The following MINDY3 variants were observed in gnomAD, a reference collection of about 807,000 sequenced individuals.
The protein encoded by MINDY3 is ubiquitin carboxyl-terminal hydrolase MINDY-3.
In MINDY3, 38 loss-of-function variants were observed where a neutral mutation model predicts 69.2. The observed-to-expected ratio is 0.55, with a 90% confidence interval of 0.42 to 0.72. MINDY3 has a LOEUF of 0.72. MINDY3 is among the 30% of genes least tolerant of loss of function. The pLI, the probability that MINDY3 is intolerant of heterozygous loss-of-function variation, is 0.00. For synonymous variants in MINDY3, 192 were observed against 180.1 expected (o/e 1.07, Z -0.53); for missense variants, 522 against 519.0 (o/e 1.01, Z -0.06).
chr10:15,787,261 C>G (rs995378883), intron 12 of MINDY3, among the ~76,000 whole-genome samples: 1 of 152,050 alleles, frequency 6.6e-6, no homozygotes, highest in Non-Finnish European at 1.5e-5. Flanking sequence ...TGCATACCAG[C>G]CCTTACAATG....
intron 10 of MINDY3, among the ~76,000 whole-genome samples, chr10:15,799,221 A>G (rs1838073131): frequency 1.3e-5 from 2 of 151,792 alleles, no homozygotes; most frequent in African/African-American, 4.8e-5. Flanking sequence ...TTTTTTTTAG[A>G]TGGAATCTTG....
chr10:15,859,947 C>T (rs963484505), intron 1 of MINDY3, among the ~76,000 whole-genome samples: 2 of 152,242 alleles, frequency 1.3e-5, no homozygotes, highest in African/African-American at 4.8e-5. Flanking sequence ...CCACCCTCTC[C>T]TCCTCCCCAG....
intron 4 of MINDY3, among the ~76,000 whole-genome samples, chr10:15,839,776 A>T (rs539254691): frequency 6.6e-6 from 1 of 151,808 alleles, no homozygotes; most frequent in South Asian, 2.1e-4. Context: ...CAGTTAACAA[A>T]GTATTTCAAA....
intron 10 of MINDY3, among the ~76,000 whole-genome samples, chr10:15,813,237 T>G (rs765908963): frequency 6.6e-6 from 1 of 152,142 alleles, no homozygotes; most frequent in South Asian, 2.1e-4. Flanking sequence ...TCTTACACCT[T>G]GTCCCCCTAA....
rs1169229232 is a variant in MINDY3, at chr10:15,841,533, T to A, written c.302A>T (p.His101Leu). The change falls in exon 4 of 15, where the codon CAC becomes CTC. Residue 101 changes from histidine (H) to leucine (L), a missense_variant. His to Leu is a moderately conservative substitution (Grantham distance 99). Coordinates refer to ENST00000277632, the MANE Select transcript of MINDY3 (RefSeq NM_024948.4). ...TGAAACCAAGCAGTATGATCCAGAG[T>A]GGTCACAACAAGCACTTTCTAAAAT... ...CDILESACCD[H>L]SGSYCLVSWL... 6.2e-7 allele frequency: 1 copy of A among 1,611,498 alleles called. No individual in the cohort carries two copies. The highest frequency in any genetic ancestry group is 8.5e-7 in the Non-Finnish European group (1 of 1,178,368).
At chr10:15,782,031 C>T in intron 14 of MINDY3, 124 bp downstream of exon 14, 2 of 739,442 alleles carry the variant, frequency 2.7e-6, no homozygotes, top group South Asian at 1.6e-5. Context: ...AATGTGTCCT[C>T]ATAGTAAAGA....
At chr10:15,794,130 CCTT>C (rs1171813627) in intron 11 of MINDY3, among the ~76,000 whole-genome samples, 2 of 152,164 alleles carry the variant, frequency 1.3e-5, no homozygotes, top group East Asian at 3.9e-4. Context: ...CCTTCAGTGT[CCTT>C]CTAGGTCAGT....
chr10:15,780,881 G>A (rs1554797590), intron 14 of MINDY3, among the ~76,000 whole-genome samples: 1 of 152,100 alleles, frequency 6.6e-6, no homozygotes, highest in Non-Finnish European at 1.5e-5. Context: ...TGGGAATCAG[G>A]AACTCAGTTC....
At chr10:15,782,296 G>C in intron 13 of MINDY3, 70 bp from the exon 14 acceptor site, 1 of 1,037,264 alleles carries the variant, frequency 9.6e-7, no homozygotes, top group Non-Finnish European at 1.4e-6. Context: ...TCAACTGAAA[G>C]TAAAATGCAT....
At position 15,860,488 on chromosome 10, in the gene MINDY3, G is replaced by C. The variant is rs1041525795; in HGVS notation, c.-189C>G. 8.3e-6 allele frequency: 5 copies of C among 604,578 alleles called. No individual in the cohort carries two copies. The highest frequency in any genetic ancestry group is 1.9e-5 in the African/African-American group (1 of 52,886). The allele number at this position is 604,578 out of a possible 1,614,324, so 37.5% of individuals were successfully genotyped here. A position where few individuals can be genotyped will look rare whatever the true frequency, so the allele number is the denominator to read the frequency against. Reference sequence around the variant, plus strand: ...TGTCAAGCCAGGTTGGGGCAGCAGCGAGTTTTCCGTACCGGAAGTGCTGGT... The same window carrying C: ...TGTCAAGCCAGGTTGGGGCAGCAGCCAGTTTTCCGTACCGGAAGTGCTGGT... On this transcript the variant is annotated 5_prime_UTR_variant, in exon 1 of 15. Transcript: ENST00000277632.
chr10:15,839,681 G>C (rs1833327741), intron 4 of MINDY3, among the ~76,000 whole-genome samples: 1 of 151,436 alleles, frequency 6.6e-6, no homozygotes, highest in Admixed American at 6.6e-5. Flanking sequence ...ATAAAGGAAA[G>C]AACAGGTAAA....
At chr10:15,831,599 C>A (rs766121014) in intron 8 of MINDY3, among the ~76,000 whole-genome samples, 1 of 151,718 alleles carries the variant, frequency 6.6e-6, no homozygotes, top group East Asian at 1.9e-4. Flanking sequence ...AGAACCGAAA[C>A]TGATAATTGA....
At chr10:15,820,200 G>C (rs558057109) in intron 9 of MINDY3, among the ~76,000 whole-genome samples, 2 of 152,326 alleles carry the variant, frequency 1.3e-5, no homozygotes, top group South Asian at 4.1e-4. Context: ...AGTCCAGCCT[G>C]AAGGGGACAG....
intron 13 of MINDY3, among the ~76,000 whole-genome samples, chr10:15,785,764 A>AT (rs1836911197): frequency 6.6e-6 from 1 of 152,170 alleles, no homozygotes; most frequent in South Asian, 2.1e-4. Context: ...TACATTCTGA[A>AT]TTTTAGTAAT....
chr10:15,828,800 T>C (rs1302784507), intron 8 of MINDY3, among the ~76,000 whole-genome samples: 4 of 152,158 alleles, frequency 2.6e-5, no homozygotes, highest in Admixed American at 2.6e-4. Flanking sequence ...ACATGAGACA[T>C]ACATTCATTC....
Position 15,848,633 on chromosome 10 carries a change from CAAAAAAAAAA to C in MINDY3, c.95-700_95-691del, listed in dbSNP as rs10719399. ...TGGGCCACAGAGCTAGACTTCATCTCAAAAAAAAAAAAAAAAAAAAAAAAAAAAAGAAAGA... is the reference window on the plus strand; with the variant it reads ...TGGGCCACAGAGCTAGACTTCATCTCAAAAAAAAAAAAAAAAAAAGAAAGA... On this transcript the variant is annotated intron_variant, in intron 1 of 14. Transcript: ENST00000277632. 4.1e-5 allele frequency among the ~76,000 whole-genome samples: 2 copies of C among 48,796 alleles called. 1 individual carries two copies. The highest frequency in any genetic ancestry group is 2.0e-3 in the South Asian group (2 of 1,006). The allele number at this position is 48,796 out of a possible 152,430, so 32.0% of individuals were successfully genotyped here.
intron 1 of MINDY3, among the ~76,000 whole-genome samples, chr10:15,850,197 G>A (rs763687303): frequency 1.4e-4 from 21 of 152,130 alleles, no homozygotes; most frequent in Admixed American, 3.3e-4. Flanking sequence ...TCTTAATCCC[G>A]TCATCTTCGT....
intron 4 of MINDY3, among the ~76,000 whole-genome samples, chr10:15,838,746 C>T (rs1029306162): frequency 1.3e-5 from 2 of 151,702 alleles, no homozygotes; most frequent in Non-Finnish European, 3.0e-5. Flanking sequence ...TACACAGGTT[C>T]AATGACAGCT....
At chr10:15,829,756 C>A (rs1840331758) in intron 8 of MINDY3, among the ~76,000 whole-genome samples, 1 of 152,150 alleles carries the variant, frequency 6.6e-6, no homozygotes, top group African/African-American at 2.4e-5. Flanking sequence ...AATGAGACCA[C>A]AACAGACTTG....
Sources: allele counts gnomAD v4.1 joint callset (sites outside exome capture counted in the v4.1 genomes callset), GRCh38; gene constraint gnomAD v4.1.1; transcripts MANE v1.5; gene names NCBI Gene and HGNC (gene_info 2026-07-23, HGNC 2026-07-21).